The following WSB1 variants were observed in gnomAD, a reference collection of about 807,000 sequenced individuals.
The protein encoded by WSB1 is WD repeat and SOCS box-containing protein 1.
A neutral mutation model predicts 50.2 loss-of-function variants in WSB1; 23 were observed. The observed-to-expected ratio is 0.46, with a 90% CI of 0.33 to 0.65. WSB1 has a LOEUF of 0.65. Among genes scored for constraint, WSB1 ranks in the 30% least tolerant of loss-of-function variants. The pLI is 0.02. For missense variants in WSB1, 492 were observed against 522.3 expected, an observed-to-expected ratio of 0.94 and a Z score of 0.56; for synonymous variants, 179 against 172.0, an observed-to-expected ratio of 1.04 and a Z score of -0.32.
At chr17:27,300,728 C>T in intron 1 of WSB1, among the ~76,000 whole-genome samples, 1 of 149,478 alleles carries the variant, frequency 6.7e-6, no homozygotes, top group Non-Finnish European at 1.5e-5. Flanking sequence ...CTTGCTCTGT[C>T]ACCCAGGCTG....
chr17:27,310,001 T>C, intron 6 of WSB1, 60 bp from the exon 7 acceptor site: 3 of 1,330,402 alleles, frequency 2.3e-6, no homozygotes, highest in Middle Eastern at 1.9e-4. Flanking sequence ...ACTTTGTACC[T>C]GGGTAATTTT....
At chr17:27,300,894 T>A (rs1450706662) in intron 1 of WSB1, among the ~76,000 whole-genome samples, 6 of 151,790 alleles carry the variant, frequency 4.0e-5, no homozygotes, top group Non-Finnish European at 4.4e-5. Flanking sequence ...TAGCTTATTT[T>A]TTTTTTGAGA....
Position 27,309,224 on chromosome 17 carries a change from G to C in WSB1, c.836G>C (p.Arg279Pro). The change falls in exon 6 of 9, where the codon CGA becomes CCA. Residue 279 changes from arginine (R) to proline (P), a missense_variant. Physicochemically the swap from Arg to Pro is moderately radical, Grantham distance 103. Coordinates refer to ENST00000262394, the MANE Select transcript of WSB1 (RefSeq NM_015626.10). ...ALLATASYDT[R>P]VYIWDPHNGD... Reference sequence around the variant, plus strand: ...CTGGCTACTGCATCTTATGATACTCGAGTATATATCTGGGATCCACATAAT... The same window carrying C: ...CTGGCTACTGCATCTTATGATACTCCAGTATATATCTGGGATCCACATAAT... 5 of 1,612,024 alleles carry C rather than the reference G, an allele frequency of 3.1e-6. No homozygotes were observed. Among genetic ancestry groups the C allele is most frequent in the Non-Finnish European group, 4.2e-6 (5 of 1,179,000 alleles).
At chr17:27,308,529 C>T in intron 5 of WSB1, 1 of 985,604 alleles carries the variant, frequency 1.0e-6, no homozygotes, top group South Asian at 4.7e-5. Flanking sequence ...GGTTTAACAT[C>T]CTTGTTGTTT....
In WSB1 at chr17:27,303,633, C is replaced by T. The variant is rs1699113916; in HGVS notation, c.476C>T (p.Thr159Ile). Residue 159 changes from threonine to isoleucine, a missense_variant and splice_region_variant, in exon 3 of 9, where the codon ACA (threonine) becomes ATA (isoleucine). Thr to Ile is a moderately conservative substitution (Grantham distance 89, BLOSUM62 -1). Coordinates refer to ENST00000262394, the MANE Select transcript of WSB1 (RefSeq NM_015626.10). ...CGTATCAAAATATGGGATGTATATACAGGTATGGATTCATAGTTTTTAAAG... is the reference window on the plus strand; with the variant it reads ...CGTATCAAAATATGGGATGTATATATAGGTATGGATTCATAGTTTTTAAAG... ...NGRIKIWDVY[T>I]GKLLLNLVDH... The T allele has an allele frequency of 5.6e-6, 9 of 1,613,644 alleles. No homozygotes were observed. In the East Asian group the frequency reaches 2.0e-4, roughly 36 times the overall value.
chr17:27,296,390 AATTATC>A (rs908491525), intron 1 of WSB1, among the ~76,000 whole-genome samples: 55 of 151,464 alleles, frequency 3.6e-4, no homozygotes, highest in African/African-American at 1.1e-3. Context: ...TCTTTTTTTG[AATTATC>A]ATTTGGATAC....
At chr17:27,309,910 T>C in intron 6 of WSB1, 151 bp from the exon 7 acceptor site, 1 of 612,834 alleles carries the variant, frequency 1.6e-6, no homozygotes, top group Non-Finnish European at 2.9e-6. Flanking sequence ...CAGGTGACTT[T>C]AATTTGGATG....
chr17:27,302,085 G>A, intron 2 of WSB1, 129 bp downstream of exon 2: 2 of 1,164,972 alleles, frequency 1.7e-6, no homozygotes, highest in Non-Finnish European at 1.2e-6. Context: ...TTTTAATCAT[G>A]GGCTGAATAT....
chr17:27,294,716 T>C (rs1597746353), intron 1 of WSB1, among the ~76,000 whole-genome samples: 1 of 152,126 alleles, frequency 6.6e-6, no homozygotes. Context: ...AGGGCTCTTG[T>C]CCTGGGAGTT....
chr17:27,308,351 C>G, intron 5 of WSB1: 1 of 985,360 alleles, frequency 1.0e-6, no homozygotes, highest in Non-Finnish European at 1.2e-6. Context: ...AACTACTGAT[C>G]TTTAGAATCT....
At chr17:27,307,982 C>G (rs1411259510) in intron 5 of WSB1, 3 of 1,245,102 alleles carry the variant, frequency 2.4e-6, no homozygotes, top group Admixed American at 8.2e-5. Flanking sequence ...AAAGTAATTT[C>G]CCCCACAGTA....
intron 5 of WSB1, chr17:27,308,857 T>C (rs2017558712): frequency 9.0e-7 from 1 of 1,115,770 alleles, no homozygotes; most frequent in Non-Finnish European, 1.1e-6. Context: ...CTTTATTTTA[T>C]GTTTAGGCTT....
At chr17:27,295,540 A>G (rs1462153692) in intron 1 of WSB1, among the ~76,000 whole-genome samples, 2 of 152,186 alleles carry the variant, frequency 1.3e-5, no homozygotes, top group Admixed American at 6.5e-5. Flanking sequence ...ATTTTTAAAG[A>G]TACAAACACA....
At chr17:27,298,841 G>A (rs545821431) in intron 1 of WSB1, among the ~76,000 whole-genome samples, 1 of 152,262 alleles carries the variant, frequency 6.6e-6, no homozygotes, top group South Asian at 2.1e-4. Context: ...TCCAGCCTGG[G>A]CGACAGAGCA....
chr17:27,297,588 C>T (rs1209086720), intron 1 of WSB1, among the ~76,000 whole-genome samples: 3 of 152,068 alleles, frequency 2.0e-5, no homozygotes, highest in Non-Finnish European at 2.9e-5. Context: ...CCACCTCAGC[C>T]TGGTACTACA....
intron 1 of WSB1, among the ~76,000 whole-genome samples, chr17:27,297,476 T>C (rs2017027979): frequency 6.6e-6 from 1 of 151,672 alleles, no homozygotes; most frequent in Non-Finnish European, 1.5e-5. Context: ...GCCTACTCTT[T>C]TTTTTTTTTT....
chr17:27,306,798 A>T lies in WSB1; in HGVS notation c.627A>T (p.Val209=). 6.2e-7 allele frequency: 1 copy of T among 1,614,186 alleles called. No homozygotes were observed. Among genetic ancestry groups the T allele is most frequent in the East Asian group, 2.2e-5 (1 of 44,882 alleles). Residue 209 remains valine (V), a synonymous_variant, in exon 5 of 9, where the codon GTA becomes GTT. Coordinates refer to ENST00000262394, the MANE Select transcript of WSB1 (RefSeq NM_015626.10). ...DLKDDGNMMK[V]LRGHQNWVYS... ...TTTGTTCAGGAAACATGATGAAAGT[A>T]TTGAGGGGGCATCAGAATTGGGTGT...
chr17:27,312,647 C>T lies in WSB1; in HGVS notation c.*278C>T, dbSNP rs565624661. The T allele has an allele frequency of 5.0e-5, 15 of 300,520 alleles. No homozygotes were observed. In the South Asian group the frequency reaches 7.8e-4, roughly 16 times the overall value. The allele number at this position is 300,520 out of a possible 1,614,324, so 18.6% of individuals were successfully genotyped here. A position where few individuals can be genotyped will look rare whatever the true frequency, so the allele number is the denominator to read the frequency against. ...TATAAGCTGCTATATGTTGAATGGA[C>T]CCTTTTGCTTTTCTGATTTTTAGTT... On this transcript the variant is annotated 3_prime_UTR_variant, in exon 9 of 9. Transcript: ENST00000262394.
intron 1 of WSB1, among the ~76,000 whole-genome samples, chr17:27,295,594 A>G (rs2016924282): frequency 6.6e-6 from 1 of 150,496 alleles, no homozygotes; most frequent in Non-Finnish European, 1.5e-5. Context: ...CACAGAAAAA[A>G]GAAAAAAAAA....
Sources: allele counts gnomAD v4.1 joint callset (sites outside exome capture counted in the v4.1 genomes callset), GRCh38; gene constraint gnomAD v4.1.1; transcripts MANE v1.5; gene names NCBI Gene and HGNC (gene_info 2026-07-23, HGNC 2026-07-21).